Variants in ROBO2 observed in about 807,000 individuals in gnomAD.
ROBO2 encodes the protein roundabout guidance receptor 2.
In ROBO2, 53 loss-of-function variants were observed where a neutral mutation model predicts 160.8. The ratio of observed to expected loss-of-function variants is 0.33; its 90% CI spans 0.26 to 0.41. The LOEUF is 0.41. ROBO2 is among the 10% of genes least tolerant of loss of function. ROBO2 has a pLI of 1.00. For synonymous variants in ROBO2, 664 were observed against 611.7 expected (o/e 1.09, Z -1.26); for missense variants, 1,577 against 1,722.4 (o/e 0.92, Z 1.49).
chr3:76,458,527 T>A (rs150563375), intron 2 of ROBO2, among the ~76,000 whole-genome samples: 2 of 152,282 alleles, frequency 1.3e-5, no homozygotes, highest in African/African-American at 2.4e-5. Flanking sequence ...CTGCAAACTG[T>A]TCCAACCTCT....
At chr3:77,497,300 G>A (rs6804220) in intron 5 of ROBO2, among the ~76,000 whole-genome samples, 29,364 of 151,988 alleles carry the variant, frequency 0.19, 3,755 homozygotes, top group African/African-American at 0.37. Flanking sequence ...ACTAACGTGA[G>A]AATAAAGTGA....
chr3:76,970,156 C>T (rs1406015995), intron 2 of ROBO2, among the ~76,000 whole-genome samples: 1 of 152,106 alleles, frequency 6.6e-6, no homozygotes, highest in Non-Finnish European at 1.5e-5. Flanking sequence ...CTGTGACTGG[C>T]CACAGTTACT....
intron 2 of ROBO2, among the ~76,000 whole-genome samples, chr3:77,274,081 T>A (rs956803447): frequency 8.5e-5 from 13 of 152,176 alleles, no homozygotes; most frequent in Non-Finnish European, 1.9e-4. Flanking sequence ...TGGTTCTAGC[T>A]GACTTTACCT....
At chr3:77,325,560 C>T (rs913147952) in intron 2 of ROBO2, among the ~76,000 whole-genome samples, 3 of 152,130 alleles carry the variant, frequency 2.0e-5, no homozygotes, top group African/African-American at 4.8e-5. Context: ...CAGGAGGCAA[C>T]TGATGTCAGC....
At chr3:77,641,578 A>G (rs1023801527) in intron 24 of ROBO2, among the ~76,000 whole-genome samples, 1 of 152,208 alleles carries the variant, frequency 6.6e-6, no homozygotes, top group Non-Finnish European at 1.5e-5. Context: ...ATCTTCTATT[A>G]ATGAAATAAA....
intron 21 of ROBO2, among the ~76,000 whole-genome samples, chr3:77,611,824 A>G (rs1432170263): frequency 6.6e-6 from 1 of 152,196 alleles, no homozygotes; most frequent in Non-Finnish European, 1.5e-5. Context: ...TTCTTCTCTC[A>G]GCTTGACAAA....
At chr3:76,088,114 G>A (rs2069091513) in intron 2 of ROBO2, among the ~76,000 whole-genome samples, 1 of 152,110 alleles carries the variant, frequency 6.6e-6, no homozygotes, top group South Asian at 2.1e-4. Context: ...AGCAAAGAAA[G>A]TAATCAGGGA....
intron 2 of ROBO2, among the ~76,000 whole-genome samples, chr3:76,439,439 G>A (rs1252480808): frequency 1.3e-5 from 2 of 151,826 alleles, no homozygotes; most frequent in Non-Finnish European, 2.9e-5. Flanking sequence ...GAAGCATGAA[G>A]AGCTGAATCG....
chr3:77,373,867 CAAAA>C (rs35983454), intron 2 of ROBO2, among the ~76,000 whole-genome samples: 48 of 112,368 alleles, frequency 4.3e-4, no homozygotes, highest in African/African-American at 9.4e-4. Context: ...CCAAAGCAGG[CAAAA>C]AAAAAAAAAA....
At chr3:77,397,173 G>A (rs980203088) in intron 2 of ROBO2, among the ~76,000 whole-genome samples, 5 of 152,028 alleles carry the variant, frequency 3.3e-5, no homozygotes, top group South Asian at 2.1e-4. Context: ...AAGAAAGTCC[G>A]TCTGTTCATA....
At chr3:76,556,717 T>C (rs1229167869) in intron 2 of ROBO2, among the ~76,000 whole-genome samples, 1 of 152,162 alleles carries the variant, frequency 6.6e-6, no homozygotes, top group Non-Finnish European at 1.5e-5. Context: ...GTGACTTTGG[T>C]ACTTGTAGAA....
chr3:76,772,861 G>T (rs2061998785), intron 2 of ROBO2, among the ~76,000 whole-genome samples: 1 of 151,070 alleles, frequency 6.6e-6, no homozygotes, highest in Non-Finnish European at 1.5e-5. Context: ...CTGAAACAAA[G>T]AAATTTGAAT....
intron 25 of ROBO2, among the ~76,000 whole-genome samples, chr3:77,645,711 CATT>C (rs1169194255): frequency 5.3e-5 from 8 of 152,054 alleles, no homozygotes; most frequent in Non-Finnish European, 4.4e-5. Context: ...TCTCAGTTGT[CATT>C]GTTGTTGACT....
chr3:77,124,651 T>C (rs2075142101), intron 2 of ROBO2, among the ~76,000 whole-genome samples: 1 of 152,174 alleles, frequency 6.6e-6, no homozygotes, highest in Non-Finnish European at 1.5e-5. Context: ...GTTGTATTCT[T>C]GCATTCACTT....
chr3:76,617,326 A>G (rs1419630995), intron 2 of ROBO2, among the ~76,000 whole-genome samples: 1 of 152,000 alleles, frequency 6.6e-6, no homozygotes, highest in African/African-American at 2.4e-5. Context: ...ATTTGTCTTG[A>G]ATGGGGAACC....
intron 2 of ROBO2, among the ~76,000 whole-genome samples, chr3:76,279,719 A>G (rs1377813300): frequency 6.8e-6 from 1 of 146,608 alleles, no homozygotes; most frequent in African/African-American, 2.4e-5. Context: ...GGAAACAATT[A>G]TCATTGCATC....
intron 2 of ROBO2, among the ~76,000 whole-genome samples, chr3:76,065,736 A>T (rs62267254): frequency 0.53 from 70,946 of 133,806 alleles, 17,698 homozygotes; most frequent in Middle Eastern, 0.67. Context: ...ATTTAAACTA[A>T]ATATATATAT....
chr3:76,166,411 TATTCTC>T (rs1429971205), intron 2 of ROBO2, among the ~76,000 whole-genome samples: 3 of 152,178 alleles, frequency 2.0e-5, no homozygotes, highest in African/African-American at 7.2e-5. Flanking sequence ...CTCATTTTCT[TATTCTC>T]AGGCCAGTTC....
intron 4 of ROBO2, among the ~76,000 whole-genome samples, chr3:77,487,100 G>A (rs1339004594): frequency 1.3e-5 from 2 of 152,118 alleles, no homozygotes; most frequent in African/African-American, 4.8e-5. Context: ...TTGATACCAT[G>A]AGAGTAGTTG....
Sources: gnomAD v4.1 joint callset for allele counts (sites outside exome capture counted in the v4.1 genomes callset) on GRCh38, gnomAD v4.1.1 for gene constraint, MANE v1.5 for transcripts, NCBI Gene and HGNC (gene_info 2026-07-23, HGNC 2026-07-21) for gene names.